STPG2: variants seen among roughly 807,000 people sequenced by gnomAD.
The protein encoded by STPG2 is sperm-tail PG-rich repeat-containing protein 2.
In STPG2, 56 loss-of-function variants were observed where a neutral mutation model predicts 54.2. The observed-to-expected ratio is 1.03, with a 90% CI of 0.83 to 1.29. The LOEUF (loss-of-function observed/expected upper bound fraction) is 1.29, where lower values mean the gene tolerates loss of function less well. Among genes scored for constraint, STPG2 ranks in the 50% most tolerant of loss-of-function variants. The pLI is 0.00. For missense variants in STPG2, 596 were observed against 544.9 expected (o/e 1.09, Z -0.93); for synonymous variants, 200 against 181.8 (o/e 1.10, Z -0.81).
chr4:97,527,855 T>C (rs1482657163), intron 4 of STPG2, among the ~76,000 whole-genome samples: 1 of 152,204 alleles, frequency 6.6e-6, no homozygotes, highest in Non-Finnish European at 1.5e-5. Context: ...TGTTTGTTTT[T>C]TTCTTGTAAA....
At chr4:97,890,336 C>T (rs979937557) in intron 8 of STPG2, among the ~76,000 whole-genome samples, 3 of 151,840 alleles carry the variant, frequency 2.0e-5, no homozygotes, top group Non-Finnish European at 2.9e-5. Context: ...ACAAGACTTG[C>T]CAACACCAAA....
At position 97,483,661 on chromosome 4, in the gene STPG2, G is replaced by T. The variant is rs1051794690; in HGVS notation, c.462+229038C>A. 2.6e-5 allele frequency among the ~76,000 whole-genome samples: 4 copies of T among 151,660 alleles called. No individual in the cohort carries two copies. The East Asian group carries it at 5.8e-4, about 22-fold the overall frequency. On this transcript the variant is annotated intron_variant, in intron 4 of 4. Transcript: ENST00000522676. ...CTATTCCACTGACAGCACTAGACAG[G>T]TCATGAAGACATACAGTCAACAAAG...
At chr4:97,922,603 A>T (rs1732150297) in intron 8 of STPG2, among the ~76,000 whole-genome samples, 1 of 152,196 alleles carries the variant, frequency 6.6e-6, no homozygotes. Context: ...ATGGGGTGAA[A>T]TGTATGAAAT....
intron 8 of STPG2, among the ~76,000 whole-genome samples, chr4:97,941,100 T>A (rs1191295455): frequency 1.3e-5 from 2 of 152,116 alleles, no homozygotes; most frequent in Non-Finnish European, 2.9e-5. Flanking sequence ...TCATTTCCCC[T>A]GAGAAATTTA....
intron 7 of STPG2, among the ~76,000 whole-genome samples, chr4:97,945,304 T>A (rs1399034147): frequency 6.6e-6 from 1 of 152,088 alleles, no homozygotes; most frequent in Non-Finnish European, 1.5e-5. Flanking sequence ...AGTGAAACCA[T>A]ACAGTATTTG....
chr4:97,456,013 G>A (rs1475857872), intron 4 of STPG2, among the ~76,000 whole-genome samples: 3 of 152,098 alleles, frequency 2.0e-5, no homozygotes, highest in Non-Finnish European at 4.4e-5. Context: ...AATATCAAAG[G>A]CATAGTCCAT....
At chr4:97,475,727 G>A (rs1413148996) in intron 4 of STPG2, among the ~76,000 whole-genome samples, 2 of 151,952 alleles carry the variant, frequency 1.3e-5, no homozygotes, top group Non-Finnish European at 2.9e-5. Flanking sequence ...TGAATACTTT[G>A]ACCTTAGAGC....
chr4:98,119,811 C>T (rs1194956502), intron 3 of STPG2, among the ~76,000 whole-genome samples: 4 of 152,098 alleles, frequency 2.6e-5, no homozygotes, highest in Non-Finnish European at 5.9e-5. Flanking sequence ...CATCATTTAG[C>T]TCCCACTTAT....
At chr4:97,927,570 T>A (rs1164399492) in intron 8 of STPG2, among the ~76,000 whole-genome samples, 1 of 152,112 alleles carries the variant, frequency 6.6e-6, no homozygotes, top group South Asian at 2.1e-4. Context: ...TACCTTATAA[T>A]AACATCCGAG....
intron 7 of STPG2, among the ~76,000 whole-genome samples, chr4:97,956,808 A>G (rs1357399845): frequency 6.6e-6 from 1 of 152,190 alleles, no homozygotes; most frequent in Non-Finnish European, 1.5e-5. Flanking sequence ...GGACAAATTA[A>G]TCTTGTTTCC....
intron 8 of STPG2, among the ~76,000 whole-genome samples, chr4:97,895,423 TC>T (rs1730920755): frequency 6.6e-6 from 1 of 151,924 alleles, no homozygotes; most frequent in African/African-American, 2.4e-5. Context: ...GTATGTCGAT[TC>T]TGTATACACT....
intron 8 of STPG2, among the ~76,000 whole-genome samples, chr4:97,899,470 A>T (rs1031649316): frequency 6.6e-6 from 1 of 151,840 alleles, no homozygotes; most frequent in Non-Finnish European, 1.5e-5. Flanking sequence ...TAGAAAAAAA[A>T]TTTTAAAATT....
At chr4:97,852,123 T>A (rs746590068) in intron 8 of STPG2, among the ~76,000 whole-genome samples, 6 of 152,226 alleles carry the variant, frequency 3.9e-5, no homozygotes, top group Non-Finnish European at 7.3e-5. Flanking sequence ...ATCACCTTGA[T>A]AAACTTGAAG....
intron 8 of STPG2, among the ~76,000 whole-genome samples, chr4:97,872,435 A>G (rs1730023658): frequency 6.6e-6 from 1 of 151,238 alleles, no homozygotes. Flanking sequence ...AGGATACAAA[A>G]TTAACACACA....
At chr4:97,737,522 T>G (rs1204498077) in intron 9 of STPG2, among the ~76,000 whole-genome samples, 1 of 152,112 alleles carries the variant, frequency 6.6e-6, no homozygotes, top group African/African-American at 2.4e-5. Context: ...TTAAAGGAGC[T>G]GATGGAGCTG....
At position 98,055,853 on chromosome 4, in the gene STPG2, G is replaced by A. The variant is rs148257494; in HGVS notation, c.612+50100C>T. Among the ~76,000 whole-genome samples, 644 of 152,254 alleles carry A rather than the reference G, an allele frequency of 4.2e-3. 3 individuals are homozygous for A. Among genetic ancestry groups the A allele is most frequent in the South Asian group, 0.024 (118 of 4,822 alleles). On this transcript the variant is annotated intron_variant, in intron 5 of 10. Transcript: ENST00000295268. ...CTCTCTCAGGGCCCAGCCTGGCCAT[G>A]CCTGTTAACAGGGCAGTTTTGAATG...
intron 8 of STPG2, among the ~76,000 whole-genome samples, chr4:97,914,589 C>T (rs1425686912): frequency 2.0e-5 from 3 of 152,138 alleles, no homozygotes; most frequent in Non-Finnish European, 4.4e-5. Context: ...CAATAACTCT[C>T]CATTCTCTCC....
At chr4:97,784,257 G>T (rs535677154) in intron 9 of STPG2, among the ~76,000 whole-genome samples, 2 of 151,952 alleles carry the variant, frequency 1.3e-5, no homozygotes, top group South Asian at 4.2e-4. Context: ...ATTAAATTAG[G>T]TCTAAAATAA....
intron 5 of STPG2, among the ~76,000 whole-genome samples, chr4:97,990,663 T>C (rs1190943638): frequency 6.6e-6 from 1 of 152,122 alleles, no homozygotes; most frequent in East Asian, 1.9e-4. Context: ...CTTTTAGTAA[T>C]CACATCTATT....
Sources: allele counts gnomAD v4.1 joint callset (sites outside exome capture counted in the v4.1 genomes callset), GRCh38; gene constraint gnomAD v4.1.1; transcripts MANE v1.5; gene names NCBI Gene and HGNC (gene_info 2026-07-23, HGNC 2026-07-21).